The following NPL variants were observed in gnomAD, a reference collection of about 807,000 sequenced individuals.
The protein encoded by NPL is N-acetylneuraminate lyase.
A neutral mutation model predicts 41.1 loss-of-function variants in NPL; 32 were observed. The ratio of observed to expected loss-of-function variants is 0.78; its 90% confidence interval spans 0.59 to 1.05. NPL has a LOEUF of 1.05. Ranked by LOEUF, NPL falls within the 50% of genes least tolerant of loss-of-function variation. The pLI is 0.00. For missense variants in NPL, 321 were observed against 378.4 expected (o/e 0.85, Z 1.26); for synonymous variants, 128 against 134.9 (o/e 0.95, Z 0.35).
chr1:182,821,124 A>G (rs1381707159), intron 10 of NPL, among the ~76,000 whole-genome samples: 1 of 152,228 alleles, frequency 6.6e-6, no homozygotes, highest in Non-Finnish European at 1.5e-5. Context: ...TTGCCACAAG[A>G]TAACATGAGC....
rs201337402 is a variant in NPL, at chr1:182,803,740, T to G, written c.111T>G (p.Leu37=). ...FSVIGQYVDY[L]VKEQGVKNIF... is the part of the protein sequence containing the mutation. ...TAATTGGTCAGTATGTGGATTATCTTGTGAAAGAACAGGGAGTGAAGAACA... is the reference window on the plus strand; with the variant it reads ...TAATTGGTCAGTATGTGGATTATCTGGTGAAAGAACAGGGAGTGAAGAACA... Residue 37 remains leucine, a synonymous_variant, in exon 4 of 13, where the codon CTT becomes CTG. Coordinates refer to ENST00000367553, the MANE Select transcript of NPL (RefSeq NM_030769.3). 7 of 1,613,484 alleles carry G rather than the reference T, an allele frequency of 4.3e-6. No homozygotes were observed. Among genetic ancestry groups the G allele is most frequent in the Non-Finnish European group, 5.9e-6 (7 of 1,179,382 alleles).
intron 10 of NPL, among the ~76,000 whole-genome samples, chr1:182,821,896 T>A (rs1667495564): frequency 6.6e-6 from 1 of 152,220 alleles, no homozygotes; most frequent in Non-Finnish European, 1.5e-5. Flanking sequence ...TTTTCTTCCT[T>A]TATCCCCTTT....
chr1:182,806,324 G>A (rs1253471375), intron 5 of NPL, 92 bp downstream of exon 5: 1 of 1,577,326 alleles, frequency 6.3e-7, no homozygotes, highest in East Asian at 2.3e-5. Context: ...CTGCTTCCTG[G>A]TCAGAGCCGG....
At chr1:182,792,702 A>C (rs1050793699) in intron 2 of NPL, among the ~76,000 whole-genome samples, 1 of 152,260 alleles carries the variant, frequency 6.6e-6, no homozygotes, top group African/African-American at 2.4e-5. Flanking sequence ...GCAAAGCTAC[A>C]TGCAGGACTT....
Position 182,829,612 on chromosome 1 carries a change from A to C in NPL, c.*704A>C. The C allele has an allele frequency of 6.4e-7, 1 of 1,550,464 alleles. No homozygotes were observed. The highest frequency in any genetic ancestry group is 8.7e-7 in the Non-Finnish European group (1 of 1,146,640). ...ACTTTTTTCTATACAGAAAACTCAA[A>C]ACTCAAAGTTTCAAAGAACCAAAGG... On this transcript the variant is annotated 3_prime_UTR_variant, in exon 13 of 13. Coordinates refer to ENST00000367553, the MANE Select transcript of NPL (RefSeq NM_030769.3).
chr1:182,792,147 CATT>C (rs1557938056), intron 1 of NPL, 82 bp from the exon 2 acceptor site: 4 of 152,208 alleles, frequency 2.6e-5, no homozygotes, highest in Non-Finnish European at 1.5e-5. Flanking sequence ...ATGTGCCTAG[CATT>C]GTTGTTAATC....
intron 7 of NPL, among the ~76,000 whole-genome samples, chr1:182,816,505 C>T (rs1667334944): frequency 6.6e-6 from 1 of 152,090 alleles, no homozygotes; most frequent in African/African-American, 2.4e-5. Flanking sequence ...AATCGTCTTA[C>T]TTTGGGCTTT....
At chr1:182,820,691 G>A (rs1050596568) in intron 10 of NPL, among the ~76,000 whole-genome samples, 14 of 152,236 alleles carry the variant, frequency 9.2e-5, no homozygotes, top group African/African-American at 3.4e-4. Context: ...GAGGAAGTGA[G>A]GTGCCACACG....
At chr1:182,812,827 G>T (rs566231027) in intron 6 of NPL, among the ~76,000 whole-genome samples, 6 of 152,108 alleles carry the variant, frequency 3.9e-5, no homozygotes, top group East Asian at 1.9e-4. Context: ...AAGAGAGGAA[G>T]GGGTTAAAGT....
intron 6 of NPL, among the ~76,000 whole-genome samples, chr1:182,814,328 G>A (rs867645286): frequency 2.0e-5 from 3 of 152,208 alleles, no homozygotes; most frequent in Admixed American, 2.0e-4. Flanking sequence ...ATGGTGCAGA[G>A]TATCTTCTGT....
intron 3 of NPL, among the ~76,000 whole-genome samples, chr1:182,802,810 T>C (rs1666888750): frequency 6.6e-6 from 1 of 152,230 alleles, no homozygotes; most frequent in South Asian, 2.1e-4. Context: ...ATCAGATCCT[T>C]ACAAGGTTAG....
rs536486177 is a variant in NPL at position 182,806,333 on chromosome 1, G to A, written c.230+101G>A. 55 of 1,567,696 alleles carry A rather than the reference G, an allele frequency of 3.5e-5. No individual in the cohort carries two copies. In the African/African-American group the frequency reaches 5.0e-4, roughly 14 times the overall value. On this transcript the variant is annotated intron_variant, in intron 5 of 12. Coordinates refer to ENST00000367553, the MANE Select transcript of NPL (RefSeq NM_030769.3). ...CCCTCCCTGCTTCCTGGTCAGAGCCGGGGCTTGAGGTCAGCTGGTGGGAAG... is the reference window on the plus strand; with the variant it reads ...CCCTCCCTGCTTCCTGGTCAGAGCCAGGGCTTGAGGTCAGCTGGTGGGAAG...
intron 6 of NPL, among the ~76,000 whole-genome samples, chr1:182,812,925 CA>C (rs1356051330): frequency 6.6e-6 from 1 of 151,980 alleles, no homozygotes; most frequent in East Asian, 1.9e-4. Context: ...GAGGCCGAGG[CA>C]GGCAGATCAC....
chr1:182,828,748 C>A lies in NPL; in HGVS notation c.803C>A (p.Ala268Asp). Reference protein sequence around the residue: ...KLGFGVSQTKAIMTLVSGIPM... With the variant: ...KLGFGVSQTKDIMTLVSGIPM... ...GGTTTTGGAGTGTCACAGACCAAAGCCATCATGACTCTGGTCTCTGGGATT... is the reference window on the plus strand; with the variant it reads ...GGTTTTGGAGTGTCACAGACCAAAGACATCATGACTCTGGTCTCTGGGATT... Residue 268 changes from alanine (A) to aspartate (D), a missense_variant, in exon 13 of 13, where the codon GCC becomes GAC. Coordinates refer to ENST00000367553, the MANE Select transcript of NPL (RefSeq NM_030769.3). This position sits in a 1 kb window ranked among gnomAD's most constrained non-coding sequence, Gnocchi z 4.0. The A allele has an allele frequency of 1.2e-6, 2 of 1,614,148 alleles. No individual in the cohort carries two copies. Among genetic ancestry groups the A allele is most frequent in the South Asian group, 2.2e-5 (2 of 91,092 alleles).
intron 5 of NPL, among the ~76,000 whole-genome samples, chr1:182,810,532 A>G (rs1057276506): frequency 9.2e-5 from 14 of 152,172 alleles, no homozygotes; most frequent in African/African-American, 3.4e-4. Flanking sequence ...GTACTCATGT[A>G]TTGATTAATC....
At chr1:182,822,320 C>G (rs1390808592) in intron 11 of NPL, 121 bp downstream of exon 11, 4 of 730,882 alleles carry the variant, frequency 5.5e-6, no homozygotes, top group Non-Finnish European at 2.5e-6. Flanking sequence ...CTTTCTTTAC[C>G]TTTCTTCTGT....
intron 3 of NPL, among the ~76,000 whole-genome samples, chr1:182,795,428 GT>G (rs1403245235): frequency 1.3e-5 from 2 of 152,206 alleles, no homozygotes; most frequent in African/African-American, 4.8e-5. Context: ...AAAGGAAGAT[GT>G]ATTTAGTACA....
Position 182,829,095 on chromosome 1 carries a change from G to A in NPL, c.*187G>A. 7.8e-6 allele frequency: 11 copies of A among 1,418,910 alleles called. No homozygotes were observed. The highest frequency in any genetic ancestry group is 1.0e-5 in the Non-Finnish European group (11 of 1,092,560). The allele number at this position is 1,418,910 out of a possible 1,614,324, so 87.9% of individuals were successfully genotyped here. ...TTTTGTGAAGGGGCAAAAACTCTAG[G>A]AGTCACAACTCTCAGTCATTCATTT... On this transcript the variant is annotated 3_prime_UTR_variant, in exon 13 of 13. Transcript: ENST00000367553.
At chr1:182,825,311 G>T (rs1282911632) in intron 11 of NPL, among the ~76,000 whole-genome samples, 1 of 152,170 alleles carries the variant, frequency 6.6e-6, no homozygotes, top group Non-Finnish European at 1.5e-5. Context: ...ATTTCATGCA[G>T]ATTCTTATGC....
Sources: gnomAD v4.1 joint callset for allele counts (sites outside exome capture counted in the v4.1 genomes callset) on GRCh38, gnomAD v4.1.1 for gene constraint, Gnocchi (gnomAD v3.1) non-coding constraint, MANE v1.5 for transcripts, NCBI Gene and HGNC (gene_info 2026-07-23, HGNC 2026-07-21) for gene names.